Variants in TANGO6 observed in about 807,000 individuals in gnomAD.
TANGO6 encodes transport and golgi organization 6 homolog.
Under a neutral mutation model 114.2 loss-of-function variants are expected in TANGO6, and 90 were observed. The observed-to-expected ratio is 0.79, with a 90% CI of 0.66 to 0.94. The LOEUF (loss-of-function observed/expected upper bound fraction) is 0.94. TANGO6 is among the 40% of genes least tolerant of loss of function. The pLI, the probability that TANGO6 is intolerant of heterozygous loss-of-function variation, is 0.00. For synonymous variants in TANGO6, 477 were observed against 509.8 expected (o/e 0.94, Z 0.87); for missense variants, 1,274 against 1,315.3 (o/e 0.97, Z 0.49).
In TANGO6 at chr16:68,927,971, T is replaced by G; in HGVS notation, c.2531T>G (p.Leu844Trp). The G allele has an allele frequency of 6.2e-7, 1 of 1,613,592 alleles. No individual in the cohort carries two copies. The highest frequency in any genetic ancestry group is 1.3e-5 in the African/African-American group (1 of 75,058). ...VTTEQLQEVL[L>W]SAYDPQIPTR... The stretch of plus-strand genomic sequence containing the variant: ...ACAGAACAGCTCCAAGAGGTTCTTT[T>G]GTCAGCTTATGACCCTCAAATTCCA... The change falls in exon 13 of 18, where the codon TTG becomes TGG. Residue 844 changes from leucine (L) to tryptophan (W), a missense_variant. Transcript: ENST00000261778.
chr16:68,843,746 G>A (rs923192295), intron 1 of TANGO6, 35 bp downstream of exon 1: 1 of 1,603,894 alleles, frequency 6.2e-7, no homozygotes, highest in African/African-American at 1.3e-5. Flanking sequence ...GGCTGGACCC[G>A]GGACTCTCAG....
Position 68,974,127 on chromosome 16 carries a change from T to G in TANGO6, c.2801T>G (p.Met934Arg), listed in dbSNP as rs987744694. 8 of 1,613,860 alleles carry G rather than the reference T, an allele frequency of 5.0e-6. No individual in the cohort carries two copies. In the African/African-American group the frequency reaches 9.3e-5, roughly 19 times the overall value. Residue 934 changes from methionine (M) to arginine (R), a missense_variant, in exon 15 of 18, where the codon ATG becomes AGG. Met to Arg is a moderately conservative substitution (Grantham distance 91, BLOSUM62 -1). This residue lies in a region of TANGO6 where 238 missense variants were observed against 252.9 expected (regional missense o/e 0.94). Transcript: ENST00000261778. ...SKDKHTPETR[M>R]KVGEVLMRIV... is the part of the protein sequence containing the mutation. ...GACAAGCACACACCAGAGACCAGAA[T>G]GAAAGTCGGGGAAGTCCTTATGCGA...
chr16:68,931,146 A>G (rs1245832580), intron 14 of TANGO6, among the ~76,000 whole-genome samples: 1 of 152,244 alleles, frequency 6.6e-6, no homozygotes, highest in African/African-American at 2.4e-5. Flanking sequence ...CCAGAAGCAG[A>G]CATGGTGAGG....
chr16:68,942,858 G>C (rs1963369197), intron 14 of TANGO6, among the ~76,000 whole-genome samples: 2 of 151,580 alleles, frequency 1.3e-5, no homozygotes, highest in South Asian at 4.2e-4. Context: ...TCAAGCCTCT[G>C]AAATATGAAT....
rs796082719 is a variant in TANGO6 at position 68,982,949 on chromosome 16, G to GT, written c.2842+8791dup. Among the ~76,000 whole-genome samples, 138 of 148,216 alleles carry GT rather than the reference G, an allele frequency of 9.3e-4. No individual in the cohort carries two copies. The Middle Eastern group carries it at 0.011, about 11-fold the overall frequency. ...AAGGGATCAGAAGAGAAAATGAAGTGTTTTTTTTTTAAATACTTGGTTGCT... is the reference window on the plus strand; with the variant it reads ...AAGGGATCAGAAGAGAAAATGAAGTGTTTTTTTTTTTAAATACTTGGTTGCT... On this transcript the variant is annotated intron_variant, in intron 15 of 17. Coordinates refer to ENST00000261778, the MANE Select transcript of TANGO6 (RefSeq NM_024562.2).
chr16:69,062,901 T>C (rs981531580), intron 17 of TANGO6, among the ~76,000 whole-genome samples: 1 of 149,150 alleles, frequency 6.7e-6, no homozygotes, highest in Admixed American at 6.7e-5. Flanking sequence ...GAGACCAGCA[T>C]GGCCAAATGG....
chr16:69,058,668 CT>C (rs1960070890), intron 17 of TANGO6, among the ~76,000 whole-genome samples: 2 of 152,198 alleles, frequency 1.3e-5, no homozygotes, highest in South Asian at 4.1e-4. Context: ...AACCATTGGA[CT>C]TTTCTCTTTT....
At chr16:68,969,214 T>G (rs1567550376) in intron 14 of TANGO6, among the ~76,000 whole-genome samples, 1 of 152,130 alleles carries the variant, frequency 6.6e-6, no homozygotes, top group Admixed American at 6.6e-5. Flanking sequence ...TTTTCTTGAA[T>G]CTTGTGCTGA....
intron 7 of TANGO6, among the ~76,000 whole-genome samples, chr16:68,881,887 C>G (rs1962466637): frequency 6.6e-6 from 1 of 152,054 alleles, no homozygotes; most frequent in Non-Finnish European, 1.5e-5. Flanking sequence ...TGGCTTATGC[C>G]TATAATTCTA....
chr16:69,058,475 T>A (rs1960066870), intron 17 of TANGO6, among the ~76,000 whole-genome samples: 1 of 152,164 alleles, frequency 6.6e-6, no homozygotes, highest in African/African-American at 2.4e-5. Flanking sequence ...TCCAGAAGGT[T>A]TACATTCGGA....
chr16:68,903,322 C>G (rs1567535836), intron 9 of TANGO6, among the ~76,000 whole-genome samples: 1 of 152,060 alleles, frequency 6.6e-6, no homozygotes, highest in African/African-American at 2.4e-5. Flanking sequence ...CAACAGTTAT[C>G]AAGAAGATGT....
chr16:68,908,729 C>T (rs1223629880), intron 10 of TANGO6, among the ~76,000 whole-genome samples: 2 of 152,114 alleles, frequency 1.3e-5, no homozygotes, highest in Non-Finnish European at 1.5e-5. Context: ...GTGCTGGAGG[C>T]ATCTCATGGT....
chr16:69,078,720 T>C (rs1960423592), intron 17 of TANGO6, among the ~76,000 whole-genome samples: 2 of 152,300 alleles, frequency 1.3e-5, no homozygotes, highest in South Asian at 4.1e-4. Context: ...AAGTTAAATA[T>C]ACGTTTCTGT....
At chr16:69,046,063 CAAAAA>C (rs61017260) in intron 17 of TANGO6, among the ~76,000 whole-genome samples, 3 of 95,954 alleles carry the variant, frequency 3.1e-5, no homozygotes, top group Non-Finnish European at 5.9e-5. Context: ...GACTCCAACT[CAAAAA>C]AAAAAAAAAA....
chr16:69,083,696 G>C lies in TANGO6; in HGVS notation c.*35G>C. ...CAAGGACGTGGAGGAGGCAGGCAGG[G>C]CCAGGCACCCAGAGCCGTGCCCAGG... is the stretch of plus-strand genomic sequence containing the variant. On this transcript the variant is annotated 3_prime_UTR_variant, in exon 18 of 18. Coordinates refer to ENST00000261778, the MANE Select transcript of TANGO6 (RefSeq NM_024562.2). The C allele has an allele frequency of 1.3e-6, 2 of 1,542,740 alleles. No individual in the cohort carries two copies. The highest frequency in any genetic ancestry group is 1.2e-5 in the South Asian group (1 of 82,626).
At chr16:68,865,977 A>G (rs1962171320) in intron 3 of TANGO6, among the ~76,000 whole-genome samples, 1 of 152,094 alleles carries the variant, frequency 6.6e-6, no homozygotes, top group Admixed American at 6.6e-5. Flanking sequence ...CAGAGTTGCT[A>G]ATGCCACAGA....
chr16:68,857,203 C>T (rs1366858495), intron 1 of TANGO6, among the ~76,000 whole-genome samples: 1 of 152,164 alleles, frequency 6.6e-6, no homozygotes, highest in Non-Finnish European at 1.5e-5. Context: ...TTTACTGTCT[C>T]TATAGTTTTG....
chr16:68,983,398 A>T (rs957152079), intron 15 of TANGO6, among the ~76,000 whole-genome samples: 4 of 150,956 alleles, frequency 2.6e-5, no homozygotes, highest in African/African-American at 9.8e-5. Context: ...AATCCTGGGG[A>T]TGGGACATTA....
intron 17 of TANGO6, among the ~76,000 whole-genome samples, chr16:69,048,030 A>G (rs1019116482): frequency 2.0e-5 from 3 of 152,110 alleles, no homozygotes; most frequent in Non-Finnish European, 4.4e-5. Flanking sequence ...TTGTTTCTTC[A>G]AAAACAAGCC....
Sources: gnomAD v4.1 joint callset for allele counts (sites outside exome capture counted in the v4.1 genomes callset) on GRCh38, gnomAD v4.1.1 for gene constraint, gnomAD v4.1.1 regional missense constraint, MANE v1.5 for transcripts, NCBI Gene and HGNC (gene_info 2026-07-23, HGNC 2026-07-21) for gene names.